RAB28: variants seen among roughly 807,000 people sequenced by gnomAD.
RAB28 encodes RAB28, member RAS oncogene family.
RAB28 carries 24 observed loss-of-function variants against 31.7 expected under a neutral mutation model. The ratio of observed to expected loss-of-function variants is 0.76; its 90% CI spans 0.55 to 1.06. The LOEUF is 1.06. RAB28 is among the 50% of genes least tolerant of loss of function. The pLI, the probability that RAB28 is intolerant of heterozygous loss-of-function variation, is 0.00. For missense variants in RAB28, 254 were observed against 258.5 expected (o/e 0.98, Z 0.12); for synonymous variants, 100 against 90.4 (o/e 1.11, Z -0.60).
chr4:13,481,183 T>C (rs544811156), intron 1 of RAB28, among the ~76,000 whole-genome samples: 94 of 152,180 alleles, frequency 6.2e-4, no homozygotes, highest in South Asian at 1.7e-3. Flanking sequence ...AAGTGACTTC[T>C]AGATTTTGAA....
At chr4:13,422,070 C>A (rs1560286729) in intron 4 of RAB28, among the ~76,000 whole-genome samples, 1 of 151,574 alleles carries the variant, frequency 6.6e-6, no homozygotes, top group Non-Finnish European at 1.5e-5. Context: ...AAAAAAACAA[C>A]CCCATCAAAA....
At chr4:13,465,612 T>C (rs1715800666) in intron 3 of RAB28, among the ~76,000 whole-genome samples, 1 of 151,878 alleles carries the variant, frequency 6.6e-6, no homozygotes, top group African/African-American at 2.4e-5. Flanking sequence ...GTTGAGAGCA[T>C]TCATTGTCAG....
At chr4:13,436,460 A>C (rs1714114047) in intron 4 of RAB28, among the ~76,000 whole-genome samples, 1 of 152,122 alleles carries the variant, frequency 6.6e-6, no homozygotes, top group African/African-American at 2.4e-5. Flanking sequence ...GAAAACCCTA[A>C]AGATGCCTCC....
intron 4 of RAB28, chr4:13,460,049 T>C (rs2108959548): frequency 2.2e-6 from 1 of 450,304 alleles, no homozygotes; most frequent in African/African-American, 2.1e-5. Flanking sequence ...GTACACACTC[T>C]TAGGAATTTT....
At chr4:13,471,850 G>A (rs1716136062) in intron 3 of RAB28, among the ~76,000 whole-genome samples, 1 of 150,486 alleles carries the variant, frequency 6.6e-6, no homozygotes, top group Non-Finnish European at 1.5e-5. Context: ...CACCAAAAGA[G>A]AAAGAAGTCG....
intron 3 of RAB28, among the ~76,000 whole-genome samples, chr4:13,469,495 G>A (rs963041739): frequency 1.3e-5 from 2 of 151,934 alleles, no homozygotes; most frequent in African/African-American, 4.8e-5. Context: ...TTCATTTTAT[G>A]CCTTAACTGC....
At chr4:13,470,542 T>A (rs946607386) in intron 3 of RAB28, among the ~76,000 whole-genome samples, 1 of 151,936 alleles carries the variant, frequency 6.6e-6, no homozygotes, top group African/African-American at 2.4e-5. Context: ...CTTCATTGAG[T>A]TTATGCTCAG....
chr4:13,423,854 T>C (rs1010879144), intron 4 of RAB28, among the ~76,000 whole-genome samples: 1 of 152,108 alleles, frequency 6.6e-6, no homozygotes, highest in African/African-American at 2.4e-5. Context: ...GATTCTACAG[T>C]AGATCACTGG....
At chr4:13,375,253 GTTA>G (rs1455967252) in intron 6 of RAB28, among the ~76,000 whole-genome samples, 2 of 152,164 alleles carry the variant, frequency 1.3e-5, no homozygotes, top group South Asian at 2.1e-4. Context: ...GATCCAGGGA[GTTA>G]TTATGAGGAT....
At chr4:13,387,334 C>T (rs1238395101) in intron 4 of RAB28, among the ~76,000 whole-genome samples, 1 of 152,070 alleles carries the variant, frequency 6.6e-6, no homozygotes, top group Admixed American at 6.5e-5. Context: ...GGTCATCTCA[C>T]ATGTAATCAA....
intron 3 of RAB28, among the ~76,000 whole-genome samples, chr4:13,472,831 G>GAATAAATA (rs56310587): frequency 0.73 from 109,215 of 150,204 alleles, 41,877 homozygotes; most frequent in East Asian, 0.91. Flanking sequence ...AACAGAAAAT[G>GAATAAATA]AATAAATAAA....
chr4:13,445,084 C>T (rs1314207026), intron 4 of RAB28, among the ~76,000 whole-genome samples: 2 of 151,712 alleles, frequency 1.3e-5, no homozygotes, highest in African/African-American at 4.8e-5. Context: ...TTCCTTTTTT[C>T]TTTTTTCTCT....
At chr4:13,419,428 C>T (rs1712988019) in intron 4 of RAB28, among the ~76,000 whole-genome samples, 1 of 152,188 alleles carries the variant, frequency 6.6e-6, no homozygotes, top group South Asian at 2.1e-4. Flanking sequence ...ACTCTCCACC[C>T]CAAATCAACA....
chr4:13,420,937 T>G lies in RAB28; in HGVS notation c.392-39343A>C, dbSNP rs550718624. ...AGGCAAGAGAAAGAAATATAGGGTA[T>G]TCAATTAGGAAAAGAGGAGGTCAAA... On this transcript the variant is annotated intron_variant, in intron 4 of 6. Coordinates refer to ENST00000330852, the MANE Select transcript of RAB28 (RefSeq NM_001017979.3). Among the ~76,000 whole-genome samples the G allele has an allele frequency of 4.5e-4, 68 of 152,302 alleles. 1 individual carries two copies. The highest frequency in any genetic ancestry group is 7.2e-4 in the Non-Finnish European group (49 of 68,026).
chr4:13,410,575 A>G (rs1295083093), intron 4 of RAB28, among the ~76,000 whole-genome samples: 2 of 152,222 alleles, frequency 1.3e-5, no homozygotes, highest in Non-Finnish European at 2.9e-5. Context: ...GACCTTGGTA[A>G]TAAATTTTAA....
At chr4:13,474,008 C>T (rs1716235552) in intron 3 of RAB28, 1 of 418,776 alleles carries the variant, frequency 2.4e-6, no homozygotes. Flanking sequence ...GTCACTATAA[C>T]AAAACCAGCT....
intron 4 of RAB28, among the ~76,000 whole-genome samples, chr4:13,388,244 G>T (rs909160942): frequency 6.6e-6 from 1 of 151,986 alleles, no homozygotes; most frequent in African/African-American, 2.4e-5. Context: ...CTTCTATAAG[G>T]AGGCCAATAC....
rs1161463722 is a variant in RAB28 at position 13,368,557 on chromosome 4, C to T, written c.*1G>A. ...ACTATCAACACAAAAGAAAAATGCG[C>T]TCACTGAACTGCACACATAGAGCTT... On this transcript the variant is annotated 3_prime_UTR_variant, in exon 7 of 7. Coordinates refer to ENST00000330852, the MANE Select transcript of RAB28 (RefSeq NM_001017979.3). 9.4e-6 allele frequency: 15 copies of T among 1,603,626 alleles called. No homozygotes were observed. Among genetic ancestry groups the T allele is most frequent in the Non-Finnish European group, 1.2e-5 (14 of 1,175,508 alleles).
chr4:13,431,270 G>C (rs2108931155), intron 4 of RAB28, among the ~76,000 whole-genome samples: 1 of 152,260 alleles, frequency 6.6e-6, no homozygotes, highest in Non-Finnish European at 1.5e-5. Context: ...ACTGAATCCA[G>C]AAACAACTGA....
Sources: allele counts gnomAD v4.1 joint callset (sites outside exome capture counted in the v4.1 genomes callset), GRCh38; gene constraint gnomAD v4.1.1; transcripts MANE v1.5; gene names NCBI Gene and HGNC (gene_info 2026-07-23, HGNC 2026-07-21).